The following ERN2 variants were observed in gnomAD, a reference collection of about 807,000 sequenced individuals.
ERN2 encodes endoplasmic reticulum to nucleus signaling 2.
Under a neutral mutation model 107.9 loss-of-function variants are expected in ERN2, and 111 were observed. The ratio of observed to expected loss-of-function variants is 1.03; its 90% confidence interval spans 0.88 to 1.20. The LOEUF is 1.20. Ranked by LOEUF, ERN2 falls within the 50% of genes most tolerant of loss-of-function variation. The pLI is 0.00. For missense variants in ERN2, 1,225 were observed against 1,197.9 expected (o/e 1.02, Z -0.33); for synonymous variants, 524 against 501.7 (o/e 1.04, Z -0.59).
chr16:23,700,598 C>A lies in ERN2; in HGVS notation c.1466G>T (p.Arg489Met). The part of the protein sequence containing the change: ...AQSLHSGASR[R>M]SQKRLQSPSK... ...GGGACTCTGAAGCCTCTTCTGGCTC[C>A]TCCGGCTGGCCCCCGAGTGCAGGGA... is the stretch of plus-strand genomic sequence containing the variant. The change falls in exon 13 of 22, where the codon AGG becomes ATG. Residue 489 changes from arginine to methionine, a missense_variant. Coordinates refer to ENST00000256797, the MANE Select transcript of ERN2 (RefSeq NM_033266.4). 1 of 1,614,182 alleles carries A rather than the reference C, an allele frequency of 6.2e-7. No homozygotes were observed. The highest frequency in any genetic ancestry group is 8.5e-7 in the Non-Finnish European group (1 of 1,180,012).
In ERN2 at chr16:23,694,965, G is replaced by A. The variant is rs773966858; in HGVS notation, c.1901-38C>T. The A allele has an allele frequency of 1.9e-5, 31 of 1,613,630 alleles. No individual in the cohort carries two copies. In the South Asian group the frequency reaches 2.2e-4, roughly 11 times the overall value. Reference sequence around the variant, plus strand: ...GGCAGAAAGAAAGCTGGTTGCTGAGGGCGGAAGGCAGGGGCTAAGGACAGG... The same window carrying A: ...GGCAGAAAGAAAGCTGGTTGCTGAGAGCGGAAGGCAGGGGCTAAGGACAGG... On this transcript the variant is annotated intron_variant, in intron 16 of 21. Transcript: ENST00000256797.
In ERN2 at chr16:23,691,289, G is replaced by A. The variant is rs780840443; in HGVS notation, c.2500+13C>T. 6 of 1,611,528 alleles carry A rather than the reference G, an allele frequency of 3.7e-6. No homozygotes were observed. The highest frequency in any genetic ancestry group is 5.1e-6 in the Non-Finnish European group (6 of 1,179,244). On this transcript the variant is annotated intron_variant, in intron 20 of 21. Transcript: ENST00000256797. ...CCCTCCACCGCCCAGGCCCACCTGA[G>A]TATGGCCTCTACCTGTCTGCAGCGG...
chr16:23,710,662 T>G (rs1388502899), intron 2 of ERN2, 113 bp from the exon 3 acceptor site: 2 of 1,238,014 alleles, frequency 1.6e-6, no homozygotes, highest in Non-Finnish European at 2.4e-6. Context: ...TTGGTGTGAA[T>G]GTAATGCCAT....
rs1018690062 is a variant in ERN2, at chr16:23,699,956, T to A, written c.1525+583A>T. 9.9e-5 allele frequency among the ~76,000 whole-genome samples: 15 copies of A among 152,212 alleles called. 1 individual carries two copies. The highest frequency in any genetic ancestry group is 4.6e-4 in the Admixed American group (7 of 15,282). On this transcript the variant is annotated intron_variant, in intron 13 of 21. Transcript: ENST00000256797. ...ATTCCCATTTGACAAATGAAAAAAC[T>A]GAGCTCAAAAGAGGTAAACAGAGAG...
chr16:23,703,818 C>T (rs966780615), intron 8 of ERN2, among the ~76,000 whole-genome samples: 3 of 152,174 alleles, frequency 2.0e-5, no homozygotes, highest in Admixed American at 2.0e-4. Flanking sequence ...GATGTTCCTT[C>T]CTCTAGGAAG....
At chr16:23,706,506 G>T in intron 6 of ERN2, 75 bp from the exon 7 acceptor site, 1 of 1,157,070 alleles carries the variant, frequency 8.6e-7, no homozygotes, top group Non-Finnish European at 1.3e-6. Context: ...CATTTATCTT[G>T]CAGGAGTGGG....
In ERN2 at chr16:23,701,110, A is replaced by G; in HGVS notation, c.1208T>C (p.Leu403Ser). Residue 403 changes from leucine to serine, a missense_variant, in exon 12 of 22, where the codon TTG becomes TCG. Leu to Ser is a moderately radical substitution (Grantham distance 145). Transcript: ENST00000256797. Reference protein sequence around the residue: ...TQAPAFFLELLSLSREKLWDS... With the variant: ...TQAPAFFLELSSLSREKLWDS... ...CCAAAGTTTCTCTCGGCTCAGGCTC[A>G]ATAGCTGGGGATAAAGGGCCCTTCA... 1 of 1,613,178 alleles carries G rather than the reference A, an allele frequency of 6.2e-7. No individual in the cohort carries two copies. The highest frequency in any genetic ancestry group is 8.5e-7 in the Non-Finnish European group (1 of 1,179,696).
intron 11 of ERN2, among the ~76,000 whole-genome samples, chr16:23,701,491 G>T (rs983313638): frequency 6.6e-6 from 1 of 152,124 alleles, no homozygotes; most frequent in African/African-American, 2.4e-5. Flanking sequence ...TTCTAACCTT[G>T]AGCTACTTAC....
At position 23,702,120 on chromosome 16, in the gene ERN2, C is replaced by T. The variant is rs759267466; in HGVS notation, c.1203+32G>A. On this transcript the variant is annotated intron_variant, in intron 11 of 21. Coordinates refer to ENST00000256797, the MANE Select transcript of ERN2 (RefSeq NM_033266.4). ...ATTCCCCCCATCTGCTGGGGCCTCC[C>T]TACCCCCACTCTCTCCCCTCCCAGC... 8 of 1,598,568 alleles carry T rather than the reference C, an allele frequency of 5.0e-6. No homozygotes were observed. The Admixed American group carries it at 1.2e-4, about 24-fold the overall frequency.
Position 23,691,956 on chromosome 16 carries a change from T to G in ERN2, c.2376+7A>C. ...TTTGGGGGCCATTCCCAAGCTTTCC[T>G]TCTGACCTGGAAGAACTGGAGTTGC... On this transcript the variant is annotated splice_region_variant and intron_variant, in intron 19 of 21. Coordinates refer to ENST00000256797, the MANE Select transcript of ERN2 (RefSeq NM_033266.4). The G allele has an allele frequency of 6.2e-7, 1 of 1,611,500 alleles. No homozygotes were observed. Among genetic ancestry groups the G allele is most frequent in the African/African-American group, 1.3e-5 (1 of 74,872 alleles).
In ERN2 at chr16:23,708,345, TTC is replaced by T. The variant is rs1285034628; in HGVS notation, c.307-1268_307-1267del. On this transcript the variant is annotated intron_variant, in intron 4 of 21. Coordinates refer to ENST00000256797, the MANE Select transcript of ERN2 (RefSeq NM_033266.4). Reference sequence around the variant, plus strand: ...GGCCAGATCTTTCCATTTGGTGCTATTCTTTTTTTTTTTTTTTTTTTTTTTTT... The same window carrying T: ...GGCCAGATCTTTCCATTTGGTGCTATTTTTTTTTTTTTTTTTTTTTTTTTT... Among the ~76,000 whole-genome samples the T allele has an allele frequency of 1.9e-3, 268 of 142,234 alleles. 3 individuals are homozygous for T. Among genetic ancestry groups the T allele is most frequent in the African/African-American group, 6.6e-3 (250 of 37,612 alleles). The allele number at this position is 142,234 out of a possible 152,430, so 93.3% of individuals were successfully genotyped here. A position where few individuals can be genotyped will look rare whatever the true frequency, so the allele number is the denominator to read the frequency against.
chr16:23,694,425 T>A (rs1023085410), intron 17 of ERN2, among the ~76,000 whole-genome samples: 1 of 152,202 alleles, frequency 6.6e-6, no homozygotes, highest in African/African-American at 2.4e-5. Flanking sequence ...TTGGGTGTTG[T>A]CCTGTCCTGT....
chr16:23,691,585 CTA>C (rs1220488962), intron 19 of ERN2, among the ~76,000 whole-genome samples, 160 bp from the exon 20 acceptor site: 5 of 152,362 alleles, frequency 3.3e-5, no homozygotes, highest in African/African-American at 1.2e-4. Context: ...TACCACCAAC[CTA>C]TGAGCTTGGT....
At position 23,700,563 on chromosome 16, in the gene ERN2, CT is replaced by C; in HGVS notation, c.1500del (p.Ala501ProfsTer14). ...CCTTCAGGGTCGTCGAGTGGCTGGG[CT>C]TGCTTTGAGGGACTCTGAAGCCTCT... ...SQKRLQSPSKQAQPLDDPEAE... is the reference protein window; with the variant it reads ...SQKRLQSPSKXAQPLDDPEAE... On this transcript the variant is annotated frameshift_variant, in exon 13 of 22. Coordinates refer to ENST00000256797, the MANE Select transcript of ERN2 (RefSeq NM_033266.4). LOFTEE classifies it high-confidence loss of function. 1 of 1,613,466 alleles carries C rather than the reference CT, an allele frequency of 6.2e-7. No homozygotes were observed. The highest frequency in any genetic ancestry group is 8.5e-7 in the Non-Finnish European group (1 of 1,179,700).
At chr16:23,691,275 C>G (rs1233954107) in intron 20 of ERN2, 27 bp downstream of exon 20, 2 of 1,612,766 alleles carry the variant, frequency 1.2e-6, no homozygotes, top group Non-Finnish European at 1.7e-6. Flanking sequence ...CCTCCACCGC[C>G]CAGGCCCACC....
Position 23,700,961 on chromosome 16 carries a change from G to T in ERN2, c.1357C>A (p.Gln453Lys), listed in dbSNP as rs1202191717. 1.2e-6 allele frequency: 2 copies of T among 1,613,610 alleles called. No homozygotes were observed. The highest frequency in any genetic ancestry group is 2.7e-5 in the African/African-American group (2 of 74,904). The change falls in exon 12 of 22, where the codon CAG (glutamine) becomes AAG (lysine). Residue 453 changes from glutamine (Q) to lysine (K), a missense_variant and splice_region_variant. Gln to Lys is a moderately conservative substitution (Grantham distance 53). Coordinates refer to ENST00000256797, the MANE Select transcript of ERN2 (RefSeq NM_033266.4). Reference sequence around the variant, plus strand: ...TGAGGTCAGGGCGGTGGGCCTACCTGCCTCATCACAAAGAGAATCCACCCT... The same window carrying T: ...TGAGGTCAGGGCGGTGGGCCTACCTTCCTCATCACAAAGAGAATCCACCCT... ...LGGWILFVMR[Q>K]QQPQVVEKQQ...
chr16:23,712,608 C>T (rs1960589685), intron 1 of ERN2: 2 of 155,382 alleles, frequency 1.3e-5, no homozygotes, highest in Admixed American at 6.5e-5. Flanking sequence ...CAGATACTGA[C>T]ACTCCCAGCT....
At position 23,705,361 on chromosome 16, in the gene ERN2, T is replaced by C. The variant is rs1424753437; in HGVS notation, c.590-214A>G. Among the ~76,000 whole-genome samples, 3 of 152,076 alleles carry C rather than the reference T, an allele frequency of 2.0e-5. No individual in the cohort carries two copies. In the East Asian group the frequency reaches 5.8e-4, roughly 29 times the overall value. On this transcript the variant is annotated intron_variant, in intron 7 of 21. Transcript: ENST00000256797. ...GTGACTCAGATGTGTGGGAGTCAGT[T>C]TGGGTCACTTAGGATGGTGGGGTAT...
At chr16:23,701,890 T>C (rs911449271) in intron 11 of ERN2, among the ~76,000 whole-genome samples, 3 of 152,060 alleles carry the variant, frequency 2.0e-5, no homozygotes, top group East Asian at 1.9e-4. Context: ...TCCTCCCACA[T>C]TGACCTCCCA....
Sources: allele counts gnomAD v4.1 joint callset (sites outside exome capture counted in the v4.1 genomes callset), GRCh38; gene constraint gnomAD v4.1.1; transcripts MANE v1.5; gene names NCBI Gene and HGNC (gene_info 2026-07-23, HGNC 2026-07-21).